The following PEBP4 variants were observed in gnomAD, a reference collection of about 807,000 sequenced individuals.
PEBP4 encodes the protein phosphatidylethanolamine-binding protein 4.
A neutral mutation model predicts 23.9 loss-of-function variants in PEBP4; 22 were observed. The ratio of observed to expected loss-of-function variants is 0.92; its 90% CI spans 0.66 to 1.31. PEBP4 has a LOEUF of 1.31. Ranked by LOEUF, PEBP4 falls within the 40% of genes most tolerant of loss-of-function variation. The probability of loss-of-function intolerance (pLI) is 0.00; values close to 1 mark genes in which losing one functional copy is unlikely to be tolerated. For synonymous variants in PEBP4, 112 were observed against 99.3 expected (o/e 1.13, Z -0.76); for missense variants, 324 against 281.7 (o/e 1.15, Z -1.07).
At chr8:22,923,577 T>C (rs1342160400) in intron 2 of PEBP4, among the ~76,000 whole-genome samples, 3 of 152,072 alleles carry the variant, frequency 2.0e-5, no homozygotes, top group Admixed American at 6.6e-5. Context: ...ACCCTGTCTC[T>C]AGAAACGTGG....
intron 4 of PEBP4, among the ~76,000 whole-genome samples, chr8:22,816,785 G>C (rs983068406): frequency 2.0e-4 from 30 of 152,122 alleles, no homozygotes; most frequent in Admixed American, 1.7e-3. Flanking sequence ...AGGTGTTCTA[G>C]GCACAGATTC....
At position 22,939,936 on chromosome 8, in the gene PEBP4, T is replaced by C. The variant is rs905200270; in HGVS notation, c.145-12216A>G. 2.6e-5 allele frequency among the ~76,000 whole-genome samples: 4 copies of C among 152,202 alleles called. No individual in the cohort carries two copies. The East Asian group carries it at 7.7e-4, about 29-fold the overall frequency. ...AGTTGACTTAATAAGCCCATTTCATTAACAGATGCACATTGCATCTATTAA... is the reference window on the plus strand; with the variant it reads ...AGTTGACTTAATAAGCCCATTTCATCAACAGATGCACATTGCATCTATTAA... On this transcript the variant is annotated intron_variant, in intron 1 of 1. Transcript: ENST00000522278.
intron 6 of PEBP4, 138 bp from the exon 7 acceptor site, chr8:22,713,674 G>A: frequency 8.3e-7 from 1 of 1,211,220 alleles, no homozygotes. Context: ...TAGTGGCTGG[G>A]GGAGCTTCCG....
chr8:22,831,884 G>A (rs1807089316), intron 3 of PEBP4, among the ~76,000 whole-genome samples: 2 of 152,146 alleles, frequency 1.3e-5, no homozygotes, highest in African/African-American at 4.8e-5. Context: ...GAAGTGGAGT[G>A]GCAGTGGATG....
chr8:22,913,165 C>T (rs937743545), intron 3 of PEBP4, among the ~76,000 whole-genome samples: 1 of 152,210 alleles, frequency 6.6e-6, no homozygotes, highest in Non-Finnish European at 1.5e-5. Flanking sequence ...CTCATGAATT[C>T]TTCCCTAAAC....
intron 4 of PEBP4, among the ~76,000 whole-genome samples, chr8:22,817,123 A>C (rs1806759979): frequency 6.6e-6 from 1 of 152,208 alleles, no homozygotes; most frequent in East Asian, 1.9e-4. Context: ...AGAGGCGGCC[A>C]CTTGTTTCTG....
intron 3 of PEBP4, chr8:22,897,762 C>A (rs974527362): frequency 6.6e-6 from 1 of 152,196 alleles, no homozygotes; most frequent in Non-Finnish European, 1.5e-5. Flanking sequence ...ATCTCCTAAA[C>A]CTGCTCTTCC....
At chr8:22,937,813 TG>T (rs1809559814) in intron 1 of PEBP4, among the ~76,000 whole-genome samples, 1 of 152,068 alleles carries the variant, frequency 6.6e-6, no homozygotes, top group Non-Finnish European at 1.5e-5. Flanking sequence ...TGTGTGTGTG[TG>T]TGTGTGTGTG....
At chr8:22,795,165 T>TA (rs1563218572) in intron 4 of PEBP4, among the ~76,000 whole-genome samples, 165 of 16,592 alleles carry the variant, frequency 9.9e-3, no homozygotes, top group African/African-American at 0.018. Context: ...ATATATATAT[T>TA]TTTTTTTTTT....
At chr8:22,756,015 G>A (rs1286488183) in intron 4 of PEBP4, 6 of 152,182 alleles carry the variant, frequency 3.9e-5, no homozygotes, top group South Asian at 2.1e-4. Flanking sequence ...AAAGGTGCTC[G>A]CTAAATACTT....
At chr8:22,758,669 C>T (rs1805440663) in intron 4 of PEBP4, among the ~76,000 whole-genome samples, 1 of 152,182 alleles carries the variant, frequency 6.6e-6, no homozygotes, top group African/African-American at 2.4e-5. Flanking sequence ...ATGATGCCTA[C>T]TTCAGGGGCT....
At chr8:22,731,034 G>A (rs1223134322) in intron 4 of PEBP4, among the ~76,000 whole-genome samples, 2 of 152,208 alleles carry the variant, frequency 1.3e-5, no homozygotes, top group Non-Finnish European at 2.9e-5. Flanking sequence ...GCTGAGCACA[G>A]ACCAAATCTC....
At chr8:22,889,241 C>T (rs191869105) in intron 3 of PEBP4, among the ~76,000 whole-genome samples, 18 of 152,212 alleles carry the variant, frequency 1.2e-4, no homozygotes, top group African/African-American at 4.1e-4. Flanking sequence ...AATCAGAGCT[C>T]GGGAGAGAAG....
intron 4 of PEBP4, among the ~76,000 whole-genome samples, chr8:22,816,091 C>G (rs916534961): frequency 6.6e-6 from 1 of 152,234 alleles, no homozygotes; most frequent in African/African-American, 2.4e-5. Context: ...AATGACAACG[C>G]TCTAGCCTTG....
At chr8:22,836,671 A>T (rs993482676) in intron 3 of PEBP4, among the ~76,000 whole-genome samples, 1 of 152,188 alleles carries the variant, frequency 6.6e-6, no homozygotes, top group Non-Finnish European at 1.5e-5. Flanking sequence ...TCAAATCCTC[A>T]TTGTACTCTG....
At chr8:22,833,489 G>A (rs1054007087) in intron 3 of PEBP4, among the ~76,000 whole-genome samples, 2 of 152,088 alleles carry the variant, frequency 1.3e-5, no homozygotes, top group Non-Finnish European at 2.9e-5. Context: ...ATGCCACCAC[G>A]CCCAGCTGAT....
chr8:22,720,897 C>T (rs377283792), intron 6 of PEBP4, among the ~76,000 whole-genome samples: 4 of 152,306 alleles, frequency 2.6e-5, no homozygotes, highest in Non-Finnish European at 4.4e-5. Context: ...CCCAAAACAG[C>T]GCCAAGTATA....
chr8:22,876,998 G>A (rs1808134226), intron 3 of PEBP4, among the ~76,000 whole-genome samples: 1 of 152,210 alleles, frequency 6.6e-6, no homozygotes, highest in African/African-American at 2.4e-5. Flanking sequence ...ACATTTCATA[G>A]CATGATGCTT....
At chr8:22,822,315 A>G (rs1013520477) in intron 3 of PEBP4, among the ~76,000 whole-genome samples, 13 of 151,548 alleles carry the variant, frequency 8.6e-5, no homozygotes, top group Non-Finnish European at 1.8e-4. Flanking sequence ...GACTCAGAAG[A>G]AAAGAAAATA....
Sources: gnomAD v4.1 joint callset for allele counts (sites outside exome capture counted in the v4.1 genomes callset) on GRCh38, gnomAD v4.1.1 for gene constraint, MANE v1.5 for transcripts, NCBI Gene and HGNC (gene_info 2026-07-23, HGNC 2026-07-21) for gene names.